Variants in PDE10A observed in about 807,000 individuals in gnomAD.
PDE10A encodes the protein phosphodiesterase 10A, also known as cAMP and cAMP-inhibited cGMP 3',5'-cyclic phosphodiesterase 10A.
In PDE10A, 39 loss-of-function variants were observed where a neutral mutation model predicts 97.7. The observed-to-expected ratio is 0.40, with a 90% CI of 0.31 to 0.52. The LOEUF is 0.52. PDE10A is among the 20% of genes least tolerant of loss of function. The probability of loss-of-function intolerance (pLI) is 0.56; values close to 1 mark genes in which losing one functional copy is unlikely to be tolerated. For synonymous variants in PDE10A, 371 were observed against 376.8 expected (o/e 0.98, Z 0.18); for missense variants, 731 against 1,047.8 (o/e 0.70, Z 4.17).
chr6:165,396,821 C>T (rs932468040), intron 13 of PDE10A, among the ~76,000 whole-genome samples: 4 of 152,114 alleles, frequency 2.6e-5, no homozygotes, highest in South Asian at 2.1e-4. Flanking sequence ...TAAAGATCAT[C>T]GTAAGATCTA....
rs191964175 is a variant in PDE10A at position 165,468,251 on chromosome 6, T to A, written c.1023+14064A>T. 1.8e-3 allele frequency among the ~76,000 whole-genome samples: 276 copies of A among 151,722 alleles called. 1 individual carries two copies. The highest frequency in any genetic ancestry group is 0.015 in the Admixed American group (236 of 15,240). On this transcript the variant is annotated intron_variant, in intron 3 of 21. Coordinates refer to ENST00000539869, the MANE Select transcript of PDE10A (RefSeq NM_001385079.1). Reference sequence around the variant, plus strand: ...CTACCACCATGCTAGGCTAATTTTTTTTTATTTTTTTTTTTTTTAGTAGAG... The same window carrying A: ...CTACCACCATGCTAGGCTAATTTTTATTTATTTTTTTTTTTTTTAGTAGAG...
At chr6:165,816,229 G>A (rs771023931) in intron 1 of PDE10A, among the ~76,000 whole-genome samples, 17 of 152,184 alleles carry the variant, frequency 1.1e-4, no homozygotes, top group Non-Finnish European at 2.5e-4. Flanking sequence ...GATTACAGGC[G>A]TGAGCCACTG....
At chr6:165,678,180 C>CTCTCTGTGTGT (rs1790865672) in intron 1 of PDE10A, among the ~76,000 whole-genome samples, 1 of 3,726 alleles carries the variant, frequency 2.7e-4, no homozygotes, top group Non-Finnish European at 5.8e-4. Flanking sequence ...TGTGTGTGTC[C>CTCTCTGTGTGT]ATGTGTGTCT....
intron 1 of PDE10A, among the ~76,000 whole-genome samples, chr6:165,826,291 C>A (rs957262159): frequency 1.1e-5 from 1 of 91,186 alleles, no homozygotes; most frequent in Non-Finnish European, 2.4e-5. Flanking sequence ...TCCCTCTGTC[C>A]CCATGTCCGT....
chr6:165,669,310 G>A (rs1053621641), intron 1 of PDE10A, among the ~76,000 whole-genome samples: 3 of 152,148 alleles, frequency 2.0e-5, no homozygotes, highest in Non-Finnish European at 4.4e-5. Flanking sequence ...CAGTTCAGAC[G>A]AGCAGCATAT....
Position 165,417,716 on chromosome 6 carries a change from C to G in PDE10A, c.1796+919G>C, listed in dbSNP as rs145770473. Among the ~76,000 whole-genome samples, 1,289 of 152,204 alleles carry G rather than the reference C, an allele frequency of 8.5e-3. 21 individuals carry two copies. The highest frequency in any genetic ancestry group is 0.03 in the African/African-American group (1,227 of 41,520). On this transcript the variant is annotated intron_variant, in intron 11 of 21. Transcript: ENST00000539869. ...GTGCCTATAAATCAGAGTTAATGGA[C>G]ATGGAATACACAGGAAGCGCTGAGG...
At chr6:165,949,820 C>T (rs1783895737) in intron 1 of PDE10A, 1 of 152,168 alleles carries the variant, frequency 6.6e-6, no homozygotes, top group Non-Finnish European at 1.5e-5. Context: ...AAAACGAACA[C>T]ATCCAAAGAT....
chr6:165,948,633 G>T (rs993313478), intron 1 of PDE10A: 1 of 152,376 alleles, frequency 6.6e-6, no homozygotes, highest in Non-Finnish European at 1.5e-5. Flanking sequence ...TGAGAGCTGA[G>T]GCCCATCAAG....
intron 1 of PDE10A, among the ~76,000 whole-genome samples, chr6:165,551,737 T>C (rs769569765): frequency 1.6e-4 from 25 of 152,150 alleles, no homozygotes; most frequent in Non-Finnish European, 2.9e-4. Flanking sequence ...CTAGCTCCAA[T>C]TTGGAATTAA....
intron 2 of PDE10A, among the ~76,000 whole-genome samples, chr6:165,517,754 A>T (rs1364775841): frequency 2.6e-5 from 4 of 152,240 alleles, no homozygotes; most frequent in Non-Finnish European, 5.9e-5. Context: ...GGACGGCACA[A>T]AAAAGTGCCA....
chr6:165,966,151 G>A (rs697470), intron 1 of PDE10A, among the ~76,000 whole-genome samples: 82,008 of 152,008 alleles, frequency 0.54, 22,858 homozygotes, highest in East Asian at 0.83. Flanking sequence ...AAACCAAGTG[G>A]TTGAGGAAAG....
intron 1 of PDE10A, among the ~76,000 whole-genome samples, chr6:165,572,916 T>C (rs901432954): frequency 2.6e-5 from 4 of 152,238 alleles, no homozygotes. Flanking sequence ...TAATTGTAAT[T>C]CACAATTCTC....
At position 165,429,235 on chromosome 6, in the gene PDE10A, A is replaced by G. The variant is rs185378921; in HGVS notation, c.1602-526T>C. Among the ~76,000 whole-genome samples, 26 of 152,212 alleles carry G rather than the reference A, an allele frequency of 1.7e-4. No individual in the cohort carries two copies. In the East Asian group the frequency reaches 4.1e-3, roughly 24 times the overall value. ...ATGGATCTAATGACTTTATATGAGTATATATTCATTGTTATGAACAGCGAG... is the reference window on the plus strand; with the variant it reads ...ATGGATCTAATGACTTTATATGAGTGTATATTCATTGTTATGAACAGCGAG... On this transcript the variant is annotated intron_variant, in intron 9 of 21. Transcript: ENST00000539869.
Position 165,943,175 on chromosome 6 carries a change from A to AAAAGAAAG in PDE10A, c.-615+44346_-615+44353dup, listed in dbSNP as rs1210872117. 1.2e-3 allele frequency among the ~76,000 whole-genome samples: 80 copies of AAAAGAAAG among 68,482 alleles called. 1 individual carries two copies. The highest frequency in any genetic ancestry group is 6.5e-3 in the Middle Eastern group (1 of 154). The allele number at this position is 68,482 out of a possible 152,430, so 44.9% of individuals were successfully genotyped here. A position where few individuals can be genotyped will look rare whatever the true frequency, so the allele number is the denominator to read the frequency against. ...AGAGAGAGAGAGAAGAAAGAAAGAA[A>AAAAGAAAG]AAAGAAAGAAAGAAAGAAAGAAAGA... On this transcript the variant is annotated intron_variant, in intron 1 of 19. Transcript: ENST00000366882.
chr6:165,557,633 TCC>T (rs78036113), intron 1 of PDE10A, among the ~76,000 whole-genome samples: 13,835 of 150,348 alleles, frequency 0.092, 1,183 homozygotes, highest in East Asian at 0.33. Context: ...TCATATTTTT[TCC>T]TTCTTTGCTA....
In PDE10A at chr6:165,673,927, A is replaced by C. The variant is rs538207810; in HGVS notation, c.-614-130359T>G. On this transcript the variant is annotated intron_variant, in intron 1 of 19. Transcript: ENST00000366882. ...ATATTATCAGCCACATTATTAGTTT[A>C]GTTGAGTTTTGGATTACGATAAAAT... 9.2e-5 allele frequency among the ~76,000 whole-genome samples: 14 copies of C among 152,334 alleles called. No homozygotes were observed. In the East Asian group the frequency reaches 2.5e-3, roughly 27 times the overall value.
intron 10 of PDE10A, among the ~76,000 whole-genome samples, chr6:165,419,929 G>A (rs189727429): frequency 5.1e-4 from 77 of 152,262 alleles, no homozygotes; most frequent in Non-Finnish European, 8.8e-5. Flanking sequence ...CCTATTACAC[G>A]TTTGTGCTCA....
chr6:165,786,245 A>C (rs2128462672), intron 1 of PDE10A, among the ~76,000 whole-genome samples: 1 of 152,352 alleles, frequency 6.6e-6, no homozygotes, highest in Non-Finnish European at 1.5e-5. Context: ...CAGACAGTGT[A>C]CACTGTGAGT....
At chr6:165,334,462 C>T (rs746880502) in intron 21 of PDE10A, among the ~76,000 whole-genome samples, 17 of 152,068 alleles carry the variant, frequency 1.1e-4, no homozygotes, top group Non-Finnish European at 1.8e-4. Context: ...CACACGCCTC[C>T]ATAGCGCCCT....
Sources: gnomAD v4.1 joint callset for allele counts (sites outside exome capture counted in the v4.1 genomes callset) on GRCh38, gnomAD v4.1.1 for gene constraint, MANE v1.5 for transcripts, NCBI Gene and HGNC (gene_info 2026-07-23, HGNC 2026-07-21) for gene names.